The following UPP2 variants were observed in gnomAD, a reference collection of about 807,000 sequenced individuals.
The protein encoded by UPP2 is UPase 2.
In UPP2, 23 loss-of-function variants were observed where a neutral mutation model predicts 26.7. The observed-to-expected ratio is 0.86, with a 90% confidence interval of 0.62 to 1.22. UPP2 has a LOEUF of 1.22. UPP2 is among the 50% of genes most tolerant of loss of function. UPP2 has a pLI of 0.00. For synonymous variants in UPP2, 127 were observed against 141.3 expected (o/e 0.90, Z 0.72); for missense variants, 387 against 396.7 (o/e 0.98, Z 0.21).
At chr2:158,092,870 G>T (rs1311212235) in intron 3 of UPP2, among the ~76,000 whole-genome samples, 1 of 152,122 alleles carries the variant, frequency 6.6e-6, no homozygotes, top group Non-Finnish European at 1.5e-5. Context: ...ACTATTGAAA[G>T]AATAGAAATA....
chr2:158,028,230 AT>A (rs1683865911), intron 3 of UPP2, among the ~76,000 whole-genome samples: 1 of 152,194 alleles, frequency 6.6e-6, no homozygotes, highest in African/African-American at 2.4e-5. Context: ...TGCTTCCCTT[AT>A]AAAACTGAAT....
chr2:158,037,588 G>A (rs997230243), intron 3 of UPP2, among the ~76,000 whole-genome samples: 2 of 151,976 alleles, frequency 1.3e-5, no homozygotes, highest in African/African-American at 2.4e-5. Flanking sequence ...TTTAGCTTCT[G>A]GTCATGGCCA....
intron 6 of UPP2, among the ~76,000 whole-genome samples, chr2:158,124,665 C>T (rs1255194780): frequency 2.0e-5 from 3 of 152,212 alleles, no homozygotes; most frequent in East Asian, 1.9e-4. Flanking sequence ...GTGATAGCAG[C>T]GCAGGTAGTG....
At position 158,007,854 on chromosome 2, in the gene UPP2, ACTCCCAAAGTGCTGGGATTACAGGC is replaced by A. The variant is rs1164876727; in HGVS notation, c.62-7922_62-7898del. Among the ~76,000 whole-genome samples, 32 of 151,570 alleles carry A rather than the reference ACTCCCAAAGTGCTGGGATTACAGGC, an allele frequency of 2.1e-4. No individual in the cohort carries two copies. The South Asian group carries it at 3.8e-3, about 18-fold the overall frequency. The stretch of plus-strand genomic sequence containing the variant: ...TGACCTCGTGATCCGCCTGCCTTGG[ACTCCCAAAGTGCTGGGATTACAGGC>A]CTCCCAAAGTGCTGGGATTACAGGA... On this transcript the variant is annotated intron_variant, in intron 2 of 9. Coordinates refer to the UPP2 transcript ENST00000605860.
At chr2:158,132,169 AACTG>A (rs1459519031) in intron 6 of UPP2, among the ~76,000 whole-genome samples, 1 of 152,264 alleles carries the variant, frequency 6.6e-6, no homozygotes, top group Admixed American at 6.5e-5. Context: ...GTTGCTTTAC[AACTG>A]ACTGAGTTTT....
chr2:158,082,091 C>A (rs183456599), intron 3 of UPP2, among the ~76,000 whole-genome samples: 1 of 151,924 alleles, frequency 6.6e-6, no homozygotes, highest in Non-Finnish European at 1.5e-5. Context: ...GCTGGGACTA[C>A]AGGTGCCCAT....
chr2:158,008,079 A>G (rs1683520518), intron 2 of UPP2, among the ~76,000 whole-genome samples: 1 of 152,260 alleles, frequency 6.6e-6, no homozygotes, highest in Non-Finnish European at 1.5e-5. Context: ...AATTGGATAC[A>G]TGGAAAGTTA....
chr2:158,121,590 T>TA lies in UPP2; in HGVS notation c.637dup (p.Thr213AsnfsTer6), dbSNP rs1294600537. 1 of 1,613,204 alleles carries TA rather than the reference T, an allele frequency of 6.2e-7. No homozygotes were observed. Among genetic ancestry groups the TA allele is most frequent in the African/African-American group, 1.3e-5 (1 of 74,912 alleles). ...CCAACTTCCCAACCCTCGTTGGACA[T>TA]ACAATGTGTACCTATGATTTTTATG... is the stretch of plus-strand genomic sequence containing the variant. On this transcript the variant is annotated frameshift_variant, in exon 5 of 7. Coordinates refer to ENST00000005756, the MANE Select transcript of UPP2 (RefSeq NM_173355.4). LOFTEE classifies it high-confidence loss of function.
intron 1 of UPP2, among the ~76,000 whole-genome samples, chr2:158,102,814 C>T (rs946819376): frequency 2.0e-5 from 3 of 152,114 alleles, no homozygotes; most frequent in Non-Finnish European, 2.9e-5. Flanking sequence ...ACTCCATTTG[C>T]CCATCCCAAA....
rs747524179 is a variant in UPP2, at chr2:158,121,457, T to G, written c.503T>G (p.Phe168Cys). 153 of 1,613,394 alleles carry G rather than the reference T, an allele frequency of 9.5e-5. 3 individuals carry two copies. The highest frequency in any genetic ancestry group is 1.2e-4 in the Non-Finnish European group (147 of 1,179,510). The change falls in exon 5 of 7, where the codon TTC (phenylalanine) becomes TGC (cysteine). Residue 168 changes from phenylalanine (F) to cysteine (C), a missense_variant. Transcript: ENST00000005756. ...ATAACGGATATAGCTGTAGACTCCT[T>G]CTTTAAGCCCCGGTTTGAACAGGTC... ...VVITDIAVDS[F>C]FKPRFEQVIL...
chr2:158,023,678 G>C (rs1302079309), intron 3 of UPP2, among the ~76,000 whole-genome samples: 1 of 152,122 alleles, frequency 6.6e-6, no homozygotes, highest in African/African-American at 2.4e-5. Context: ...GGGGGTGATG[G>C]AGTAGCCAGC....
chr2:158,025,602 C>T (rs1237322572), intron 3 of UPP2, among the ~76,000 whole-genome samples: 1 of 152,198 alleles, frequency 6.6e-6, no homozygotes, highest in Non-Finnish European at 1.5e-5. Context: ...GACAGAGCAG[C>T]CAGTAGTTGG....
At chr2:158,006,168 T>C (rs1683483606) in intron 2 of UPP2, among the ~76,000 whole-genome samples, 1 of 152,198 alleles carries the variant, frequency 6.6e-6, no homozygotes. Context: ...TGGTTAAGAA[T>C]GTCCATAATG....
intron 2 of UPP2, among the ~76,000 whole-genome samples, chr2:158,109,436 T>C (rs927892623): frequency 1.3e-5 from 2 of 152,224 alleles, no homozygotes; most frequent in African/African-American, 4.8e-5. Flanking sequence ...ATGGTTTCCC[T>C]ACATCTGGTG....
At chr2:158,110,404 T>C (rs1454818100) in intron 2 of UPP2, among the ~76,000 whole-genome samples, 1 of 152,162 alleles carries the variant, frequency 6.6e-6, no homozygotes, top group East Asian at 1.9e-4. Flanking sequence ...TGATGAACAT[T>C]TGGGTTGGTT....
intron 3 of UPP2, among the ~76,000 whole-genome samples, chr2:158,024,216 G>T (rs1386248437): frequency 4.6e-5 from 7 of 152,088 alleles, no homozygotes; most frequent in Middle Eastern, 3.2e-3. Flanking sequence ...AGCATATAAG[G>T]TTTGAGGAAG....
intron 3 of UPP2, among the ~76,000 whole-genome samples, chr2:158,032,138 C>A (rs1323434394): frequency 1.3e-5 from 2 of 152,118 alleles, no homozygotes; most frequent in Admixed American, 1.3e-4. Context: ...AGAATCCTGA[C>A]AAAAATTGAG....
At chr2:158,078,599 TAGAG>T (rs60621375) in intron 3 of UPP2, among the ~76,000 whole-genome samples, 2 of 152,012 alleles carry the variant, frequency 1.3e-5, no homozygotes, top group East Asian at 3.9e-4. Flanking sequence ...TTTGTGAAGA[TAGAG>T]AGTAGAAGAT....
Position 158,130,464 on chromosome 2 carries a change from A to AAC in UPP2, c.812-4283_812-4282insCA, listed in dbSNP as rs201176750. Among the ~76,000 whole-genome samples, 307 of 92,154 alleles carry AAC rather than the reference A, an allele frequency of 3.3e-3. 3 individuals are homozygous for AAC. Among genetic ancestry groups the AAC allele is most frequent in the Middle Eastern group, 6.3e-3 (1 of 158 alleles). 60.5% of individuals were successfully genotyped at this position (92,154 alleles called of 152,430 possible). On this transcript the variant is annotated intron_variant, in intron 6 of 6. Transcript: ENST00000005756. ...AGAATCCGTCTCAAAAAAAAAAACA[A>AAC]AAAAAAAAAACCACTGTGCATTATA...
Sources: allele counts gnomAD v4.1 joint callset (sites outside exome capture counted in the v4.1 genomes callset), GRCh38; gene constraint gnomAD v4.1.1; transcripts MANE v1.5; gene names NCBI Gene and HGNC (gene_info 2026-07-23, HGNC 2026-07-21).